The following ZMAT4 variants were observed in gnomAD, a reference collection of about 807,000 sequenced individuals.
ZMAT4 encodes zinc finger matrin-type 4.
A neutral mutation model predicts 28.7 loss-of-function variants in ZMAT4; 17 were observed. That is an observed-to-expected ratio of 0.59 (90% CI 0.41 to 0.89). The LOEUF is 0.89. Among genes scored for constraint, ZMAT4 ranks in the 40% least tolerant of loss-of-function variants. ZMAT4 has a pLI of 0.00. For synonymous variants in ZMAT4, 117 were observed against 109.2 expected, an observed-to-expected ratio of 1.07 and a Z score of -0.44; for missense variants, 240 against 283.8, an observed-to-expected ratio of 0.85 and a Z score of 1.11.
chr8:40,664,426 T>A (rs2118865939), intron 5 of ZMAT4, among the ~76,000 whole-genome samples: 1 of 152,286 alleles, frequency 6.6e-6, no homozygotes, highest in Non-Finnish European at 1.5e-5. Context: ...GACAAAACCA[T>A]AAAACCAGGT....
chr8:40,606,162 C>A (rs1156284318), intron 5 of ZMAT4, among the ~76,000 whole-genome samples: 1 of 152,122 alleles, frequency 6.6e-6, no homozygotes, highest in Non-Finnish European at 1.5e-5. Context: ...AGCATTTAGG[C>A]CATTTACATT....
At chr8:40,826,309 C>T (rs1189736686) in intron 1 of ZMAT4, among the ~76,000 whole-genome samples, 1 of 151,940 alleles carries the variant, frequency 6.6e-6, no homozygotes, top group Non-Finnish European at 1.5e-5. Context: ...AAAGGTTTAC[C>T]ATTAACAAAA....
At chr8:40,713,298 C>T (rs2150509790) in intron 3 of ZMAT4, among the ~76,000 whole-genome samples, 1 of 152,058 alleles carries the variant, frequency 6.6e-6, no homozygotes, top group East Asian at 1.9e-4. Flanking sequence ...AATAGAAATA[C>T]TCATACAGTC....
Position 40,850,187 on chromosome 8 carries a change from A to T in ZMAT4, c.-4-24507T>A, listed in dbSNP as rs116504342. 6.7e-3 allele frequency among the ~76,000 whole-genome samples: 1,023 copies of T among 151,750 alleles called. 10 individuals are homozygous for T. The highest frequency in any genetic ancestry group is 0.024 in the African/African-American group (983 of 41,370). On this transcript the variant is annotated intron_variant, in intron 1 of 6. Transcript: ENST00000297737. ...TCCATTCTTCATGCGGTCAATCAGA[A>T]CCCGGCCCTCCCTTGCTTCAAGCCT... is the stretch of plus-strand genomic sequence containing the variant.
chr8:40,594,290 A>G (rs1805014001), intron 5 of ZMAT4, among the ~76,000 whole-genome samples: 1 of 152,242 alleles, frequency 6.6e-6, no homozygotes, highest in Non-Finnish European at 1.5e-5. Context: ...ACAAGGTAAC[A>G]GAGAATAACA....
rs775114252 is a variant in ZMAT4 at position 40,581,173 on chromosome 8, G to T, written c.666C>A (p.His222Gln). Residue 222 changes from histidine (H) to glutamine (Q), a missense_variant, in exon 6 of 7, where the codon CAC becomes CAA. By Grantham distance (24) the His-to-Gln change is conservative. Coordinates refer to ENST00000297737, the MANE Select transcript of ZMAT4 (RefSeq NM_024645.3). ...QYHAHLKGSKHQTNLKNK is the reference protein window; with the variant it reads ...QYHAHLKGSKQQTNLKNK ...AGCACAAAAGTACCTACTTGGTCTG[G>T]TGTTTAGATCCTTTCAGATGGGCAT... 2.5e-6 allele frequency: 4 copies of T among 1,612,156 alleles called. No individual in the cohort carries two copies. Among genetic ancestry groups the T allele is most frequent in the Non-Finnish European group, 3.4e-6 (4 of 1,178,748 alleles).
At chr8:40,683,927 T>C (rs1053819908) in intron 4 of ZMAT4, among the ~76,000 whole-genome samples, 5 of 152,038 alleles carry the variant, frequency 3.3e-5, no homozygotes, top group African/African-American at 9.7e-5. Flanking sequence ...TAGATGGGCA[T>C]GGTGGCACGC....
intron 2 of ZMAT4, among the ~76,000 whole-genome samples, chr8:40,791,577 C>T (rs1367839233): frequency 6.6e-6 from 1 of 152,216 alleles, no homozygotes; most frequent in Non-Finnish European, 1.5e-5. Context: ...ATCTTCTGCT[C>T]ATGTAGTTCC....
intron 5 of ZMAT4, among the ~76,000 whole-genome samples, chr8:40,601,216 G>A (rs755793067): frequency 5.9e-5 from 9 of 151,950 alleles, no homozygotes; most frequent in Non-Finnish European, 1.0e-4. Context: ...GGAAAGTCCA[G>A]TATGTGTCTT....
intron 3 of ZMAT4, among the ~76,000 whole-genome samples, chr8:40,722,923 G>T (rs1055796754): frequency 6.6e-6 from 1 of 152,124 alleles, no homozygotes; most frequent in African/African-American, 2.4e-5. Context: ...CACAAGAATG[G>T]CTCATGTACA....
intron 3 of ZMAT4, among the ~76,000 whole-genome samples, chr8:40,703,853 T>C (rs1353799193): frequency 6.6e-6 from 1 of 152,260 alleles, no homozygotes. Flanking sequence ...TTGTTTTTTC[T>C]CTTTTCCAGG....
chr8:40,808,863 A>C (rs1182242373), intron 2 of ZMAT4, among the ~76,000 whole-genome samples: 1 of 151,916 alleles, frequency 6.6e-6, no homozygotes, highest in Non-Finnish European at 1.5e-5. Context: ...AAAAAAAAAA[A>C]AACTATTCCC....
intron 6 of ZMAT4, among the ~76,000 whole-genome samples, chr8:40,560,647 A>C (rs1056850765): frequency 1.3e-5 from 2 of 152,134 alleles, no homozygotes; most frequent in African/African-American, 4.8e-5. Flanking sequence ...GATTTGCCTG[A>C]TAATATGAAT....
intron 3 of ZMAT4, among the ~76,000 whole-genome samples, chr8:40,765,646 G>A (rs539127262): frequency 3.0e-4 from 46 of 152,312 alleles, no homozygotes; most frequent in Admixed American, 2.7e-3. Context: ...CTTTCCCACT[G>A]TAAACTGTCC....
intron 2 of ZMAT4, among the ~76,000 whole-genome samples, chr8:40,793,082 C>T (rs1280128560): frequency 1.3e-5 from 2 of 151,948 alleles, no homozygotes; most frequent in South Asian, 2.1e-4. Flanking sequence ...GAGCCCTGAG[C>T]GCAACAGTGG....
At chr8:40,804,921 G>A (rs995116434) in intron 2 of ZMAT4, among the ~76,000 whole-genome samples, 108 of 151,298 alleles carry the variant, frequency 7.1e-4, no homozygotes, top group African/African-American at 2.5e-3. Flanking sequence ...CTATAATATC[G>A]TTTAAACCAA....
At chr8:40,727,755 T>C (rs1811371160) in intron 3 of ZMAT4, among the ~76,000 whole-genome samples, 1 of 152,172 alleles carries the variant, frequency 6.6e-6, no homozygotes, top group Non-Finnish European at 1.5e-5. Context: ...AGACATGAAA[T>C]AATTTTATGA....
chr8:40,812,456 C>A (rs894316689), intron 2 of ZMAT4, among the ~76,000 whole-genome samples: 1 of 152,202 alleles, frequency 6.6e-6, no homozygotes, highest in African/African-American at 2.4e-5. Flanking sequence ...GACCAGTAAT[C>A]TTCAATATTG....
intron 2 of ZMAT4, among the ~76,000 whole-genome samples, chr8:40,812,983 A>G (rs1815387234): frequency 6.7e-6 from 1 of 150,074 alleles, no homozygotes; most frequent in South Asian, 2.1e-4. Flanking sequence ...ATTAAATTAA[A>G]TTAAAAAATA....
Sources: gnomAD v4.1 joint callset for allele counts (sites outside exome capture counted in the v4.1 genomes callset) on GRCh38, gnomAD v4.1.1 for gene constraint, MANE v1.5 for transcripts, NCBI Gene and HGNC (gene_info 2026-07-23, HGNC 2026-07-21) for gene names.